The following EPM2A variants were observed in gnomAD, a reference collection of about 807,000 sequenced individuals.
EPM2A encodes laforin.
Under a neutral mutation model 26.5 loss-of-function variants are expected in EPM2A, and 21 were observed. The ratio of observed to expected loss-of-function variants is 0.79; its 90% CI spans 0.56 to 1.14. The LOEUF is 1.14. EPM2A is among the 50% of genes most tolerant of loss of function. EPM2A has a pLI of 0.00. For synonymous variants in EPM2A, 217 were observed against 177.6 expected, an observed-to-expected ratio of 1.22 and a Z score of -1.76; for missense variants, 458 against 440.8, an observed-to-expected ratio of 1.04 and a Z score of -0.35.
intron 4 of EPM2A, among the ~76,000 whole-genome samples, chr6:145,447,969 A>G (rs1236265193): frequency 6.6e-6 from 1 of 152,134 alleles, no homozygotes; most frequent in Non-Finnish European, 1.5e-5. Flanking sequence ...AGGACTTCTT[A>G]TACTTGATAA....
chr6:145,655,009 C>T (rs1376022918), intron 2 of EPM2A, among the ~76,000 whole-genome samples: 1 of 152,028 alleles, frequency 6.6e-6, no homozygotes, highest in Non-Finnish European at 1.5e-5. Context: ...TTGTGAGTGG[C>T]TTTTTCACAC....
At chr6:145,640,224 A>C (rs1776989035) in intron 2 of EPM2A, 1 of 152,182 alleles carries the variant, frequency 6.6e-6, no homozygotes, top group South Asian at 2.1e-4. Context: ...AAAAATCACC[A>C]CAGGGTATCG....
At chr6:145,694,265 T>C (rs1180648831) in intron 1 of EPM2A, among the ~76,000 whole-genome samples, 2 of 152,146 alleles carry the variant, frequency 1.3e-5, no homozygotes, top group East Asian at 3.9e-4. Context: ...ATCTGATCTC[T>C]CTCATGCCCC....
intron 4 of EPM2A, among the ~76,000 whole-genome samples, chr6:145,435,294 T>C (rs899538820): frequency 2.6e-5 from 4 of 151,992 alleles, no homozygotes; most frequent in Non-Finnish European, 5.9e-5. Flanking sequence ...AGGAATATTA[T>C]TTTCACATGA....
At chr6:145,721,944 T>C (rs1321877830) in intron 1 of EPM2A, among the ~76,000 whole-genome samples, 1 of 152,340 alleles carries the variant, frequency 6.6e-6, no homozygotes, top group East Asian at 1.9e-4. Context: ...TTCTCACCTG[T>C]GAGCATGCAA....
chr6:145,555,263 T>C (rs1780713806), intron 2 of EPM2A, among the ~76,000 whole-genome samples: 1 of 152,038 alleles, frequency 6.6e-6, no homozygotes, highest in African/African-American at 2.4e-5. Flanking sequence ...CTCCTCTCCC[T>C]GGTAACCCTG....
At chr6:145,586,864 G>C (rs1447129537) in intron 2 of EPM2A, among the ~76,000 whole-genome samples, 1 of 152,136 alleles carries the variant, frequency 6.6e-6, no homozygotes, top group Non-Finnish European at 1.5e-5. Context: ...CATGATTTCT[G>C]ATGGTCCTTA....
intron 2 of EPM2A, among the ~76,000 whole-genome samples, chr6:145,673,808 C>T (rs1455510323): frequency 6.6e-6 from 1 of 152,162 alleles, no homozygotes; most frequent in African/African-American, 2.4e-5. Flanking sequence ...CACTGCAGCT[C>T]AGCTTGGCCT....
intron 4 of EPM2A, among the ~76,000 whole-genome samples, chr6:145,389,407 G>A (rs1325988711): frequency 2.0e-5 from 3 of 151,964 alleles, no homozygotes; most frequent in Non-Finnish European, 2.9e-5. Context: ...GGCCAGGCTG[G>A]TCTTGAATTC....
intron 1 of EPM2A, among the ~76,000 whole-genome samples, chr6:145,689,902 G>A (rs1215163696): frequency 4.6e-5 from 7 of 152,166 alleles, no homozygotes; most frequent in South Asian, 2.1e-4. Flanking sequence ...TGGCAGTAAC[G>A]AGGTGCCCCT....
At chr6:145,582,676 T>C (rs1781131602) in intron 2 of EPM2A, among the ~76,000 whole-genome samples, 2 of 152,146 alleles carry the variant, frequency 1.3e-5, no homozygotes, top group Admixed American at 1.3e-4. Flanking sequence ...GGTCTCTGGG[T>C]TTCCCGAATT....
chr6:145,480,454 C>T (rs1286785943), intron 4 of EPM2A, among the ~76,000 whole-genome samples: 2 of 152,052 alleles, frequency 1.3e-5, no homozygotes, highest in Non-Finnish European at 2.9e-5. Flanking sequence ...TGGGTAGGAA[C>T]ACAAACCCAA....
downstream of EPM2A, among the ~76,000 whole-genome samples, chr6:145,622,745 G>A (rs1775663765): frequency 1.3e-5 from 2 of 152,180 alleles, no homozygotes; most frequent in Admixed American, 1.3e-4. Flanking sequence ...GGAGGAACTG[G>A]CGCTGCTCAC....
intron 2 of EPM2A, among the ~76,000 whole-genome samples, chr6:145,649,740 A>G (rs968334585): frequency 6.6e-6 from 1 of 152,234 alleles, no homozygotes; most frequent in African/African-American, 2.4e-5. Flanking sequence ...GCACACAGCC[A>G]CACTCATTTG....
At chr6:145,695,308 T>C (rs1244286799) in intron 1 of EPM2A, among the ~76,000 whole-genome samples, 2 of 151,542 alleles carry the variant, frequency 1.3e-5, no homozygotes, top group Non-Finnish European at 3.0e-5. Context: ...CCACAAAATA[T>C]AAAAATAAGG....
At chr6:145,696,933 T>G (rs1185418852) in intron 1 of EPM2A, among the ~76,000 whole-genome samples, 2 of 152,026 alleles carry the variant, frequency 1.3e-5, no homozygotes, top group African/African-American at 4.8e-5. Flanking sequence ...TGTACATCTG[T>G]ATATGTAAAC....
At chr6:145,691,475 A>T (rs893757021) in intron 1 of EPM2A, among the ~76,000 whole-genome samples, 6 of 152,164 alleles carry the variant, frequency 3.9e-5, no homozygotes, top group African/African-American at 1.2e-4. Flanking sequence ...TATCTTAAAA[A>T]TGACTAACAG....
At chr6:145,477,905 A>C (rs532014867) in intron 4 of EPM2A, among the ~76,000 whole-genome samples, 2 of 152,048 alleles carry the variant, frequency 1.3e-5, no homozygotes, top group South Asian at 4.1e-4. Context: ...ACTGTTATTT[A>C]ACATAGTACT....
At chr6:145,681,413 A>G (rs1405636404) in intron 2 of EPM2A, among the ~76,000 whole-genome samples, 2 of 150,484 alleles carry the variant, frequency 1.3e-5, no homozygotes, top group Non-Finnish European at 3.0e-5. Flanking sequence ...CCCATTTGTC[A>G]ATTTTGGCTT....
Sources: gnomAD v4.1 joint callset for allele counts (sites outside exome capture counted in the v4.1 genomes callset) on GRCh38, gnomAD v4.1.1 for gene constraint, MANE v1.5 for transcripts, NCBI Gene and HGNC (gene_info 2026-07-23, HGNC 2026-07-21) for gene names.